INPP4B: variants seen among roughly 807,000 people sequenced by gnomAD.
INPP4B encodes the protein inositol polyphosphate-4-phosphatase type II B.
Under a neutral mutation model 122.5 loss-of-function variants are expected in INPP4B, and 55 were observed. The ratio of observed to expected loss-of-function variants is 0.45; its 90% CI spans 0.36 to 0.56. The LOEUF is 0.56. INPP4B is among the 20% of genes least tolerant of loss of function. The pLI is 0.00. For synonymous variants in INPP4B, 403 were observed against 388.7 expected (o/e 1.04, Z -0.43); for missense variants, 1,000 against 1,097.7 (o/e 0.91, Z 1.26).
intron 9 of INPP4B, among the ~76,000 whole-genome samples, chr4:142,286,616 T>TC (rs1240022922): frequency 6.6e-6 from 1 of 152,160 alleles, no homozygotes; most frequent in Non-Finnish European, 1.5e-5. Context: ...TTGACTTAAA[T>TC]CAGACTTCTT....
At position 142,480,912 on chromosome 4, in the gene INPP4B, T is replaced by C. The variant is rs140590554; in HGVS notation, c.-190-18186A>G. 3.8e-3 allele frequency among the ~76,000 whole-genome samples: 574 copies of C among 152,112 alleles called. 4 individuals carry two copies. Among genetic ancestry groups the C allele is most frequent in the African/African-American group, 0.013 (544 of 41,518 alleles). On this transcript the variant is annotated intron_variant, in intron 2 of 25. Coordinates refer to ENST00000262992, the MANE Select transcript of INPP4B (RefSeq NM_001101669.3). Reference sequence around the variant, plus strand: ...GGAATGTCTAAGGGTGTTATTTTTATAGTCACATAATAAAAGGTGAAAATC... The same window carrying C: ...GGAATGTCTAAGGGTGTTATTTTTACAGTCACATAATAAAAGGTGAAAATC...
At position 142,161,946 on chromosome 4, in the gene INPP4B, T is replaced by C. The variant is rs1292356962; in HGVS notation, c.1360-1385A>G. Among the ~76,000 whole-genome samples, 3 of 151,818 alleles carry C rather than the reference T, an allele frequency of 2.0e-5. 1 individual carries two copies. Among genetic ancestry groups the C allele is most frequent in the Admixed American group, 6.6e-5 (1 of 15,206 alleles). On this transcript the variant is annotated intron_variant, in intron 16 of 25. Coordinates refer to ENST00000262992, the MANE Select transcript of INPP4B (RefSeq NM_001101669.3). ...AACAAATTAGCAGCTTTCTCCCTTA[T>C]TCCACACTACTCACCACCCGCCATA...
chr4:142,596,097 G>A (rs370651645), intron 2 of INPP4B, among the ~76,000 whole-genome samples: 5 of 151,906 alleles, frequency 3.3e-5, no homozygotes, highest in Admixed American at 6.6e-5. Context: ...TGCCTGCCTC[G>A]GCTTCCCAAA....
intron 2 of INPP4B, among the ~76,000 whole-genome samples, chr4:142,625,824 T>C (rs28687823): frequency 0.047 from 7,086 of 152,046 alleles, 547 homozygotes; most frequent in African/African-American, 0.16. Flanking sequence ...TCAGAAATAA[T>C]GCCGCATACC....
rs1052370442 is a variant in INPP4B at position 142,233,857 on chromosome 4, T to C, written c.836+4007A>G. 1.9e-3 allele frequency among the ~76,000 whole-genome samples: 287 copies of C among 152,228 alleles called. 1 individual carries two copies. The highest frequency in any genetic ancestry group is 4.4e-4 in the Non-Finnish European group (30 of 68,004). On this transcript the variant is annotated intron_variant, in intron 12 of 25. Coordinates refer to ENST00000262992, the MANE Select transcript of INPP4B (RefSeq NM_001101669.3). ...CAAATGTAATTCTTAAACTATTTTC[T>C]CAGTTGGATAGGATATATCTTCAAG...
intron 1 of INPP4B, among the ~76,000 whole-genome samples, chr4:142,809,650 G>A (rs1444932961): frequency 6.6e-6 from 1 of 152,044 alleles, no homozygotes; most frequent in East Asian, 1.9e-4. Flanking sequence ...CAAATGCAAA[G>A]AAAAAATTGT....
intron 1 of INPP4B, among the ~76,000 whole-genome samples, chr4:142,741,584 G>C (rs187893274): frequency 6.6e-6 from 1 of 151,812 alleles, no homozygotes; most frequent in East Asian, 1.9e-4. Context: ...AAACCAATTA[G>C]AATTTTAAAA....
At chr4:142,740,385 C>T (rs971236761) in intron 1 of INPP4B, among the ~76,000 whole-genome samples, 17 of 151,974 alleles carry the variant, frequency 1.1e-4, no homozygotes, top group African/African-American at 3.4e-4. Context: ...AATTCTAAAA[C>T]GCTTTTCTGC....
intron 1 of INPP4B, among the ~76,000 whole-genome samples, chr4:142,751,432 A>T (rs1769700334): frequency 6.6e-6 from 1 of 152,064 alleles, no homozygotes; most frequent in Non-Finnish European, 1.5e-5. Context: ...AAACAGGCAA[A>T]CAAGATGTAT....
chr4:142,056,588 T>G (rs1336166565), intron 25 of INPP4B, among the ~76,000 whole-genome samples: 4 of 152,108 alleles, frequency 2.6e-5, no homozygotes, highest in African/African-American at 9.7e-5. Context: ...TCAAGGACTT[T>G]TGATTCCCAG....
chr4:142,037,914 G>A lies in INPP4B; in HGVS notation c.2643-9000C>T, dbSNP rs951725766. Among the ~76,000 whole-genome samples the A allele has an allele frequency of 7.9e-5, 12 of 152,214 alleles. No individual in the cohort carries two copies. The East Asian group carries it at 1.2e-3, about 15-fold the overall frequency. ...GCTTTAAAAAGTATTCAAGTTGAAC[G>A]TACACCTTTTCTAGATGAGGAAATA... is the stretch of plus-strand genomic sequence containing the variant. On this transcript the variant is annotated intron_variant, in intron 25 of 25. Coordinates refer to ENST00000262992, the MANE Select transcript of INPP4B (RefSeq NM_001101669.3).
At chr4:142,200,856 A>G (rs1450504793) in intron 14 of INPP4B, among the ~76,000 whole-genome samples, 1 of 152,090 alleles carries the variant, frequency 6.6e-6, no homozygotes, top group Non-Finnish European at 1.5e-5. Context: ...GAAGTGTAGC[A>G]TCTTATCTAA....
intron 21 of INPP4B, among the ~76,000 whole-genome samples, chr4:142,115,349 C>T (rs1792581757): frequency 6.6e-6 from 1 of 152,044 alleles, no homozygotes; most frequent in Non-Finnish European, 1.5e-5. Flanking sequence ...AACTCTAAGA[C>T]ACATAATTGT....
Position 142,387,499 on chromosome 4 carries a change from GA to G in INPP4B, c.372+15438del, listed in dbSNP as rs548330020. Among the ~76,000 whole-genome samples the G allele has an allele frequency of 2.6e-4, 38 of 143,980 alleles. No homozygotes were observed. The South Asian group carries it at 7.7e-3, about 29-fold the overall frequency. The allele number at this position is 143,980 out of a possible 152,430, so 94.5% of individuals were successfully genotyped here. A position where few individuals can be genotyped will look rare whatever the true frequency, so the allele number is the denominator to read the frequency against. On this transcript the variant is annotated intron_variant, in intron 7 of 25. Coordinates refer to ENST00000262992, the MANE Select transcript of INPP4B (RefSeq NM_001101669.3). Reference sequence around the variant, plus strand: ...GCATTTAAAAAAAAAAAAAAAGAAAGAAAAAAAGATTTTCTTTTGTGTTGCG... The same window carrying G: ...GCATTTAAAAAAAAAAAAAAAGAAAGAAAAAAGATTTTCTTTTGTGTTGCG...
At chr4:142,544,139 G>GTGTGTGTGTGTGTGTGTA in intron 2 of INPP4B, among the ~76,000 whole-genome samples, 1 of 151,318 alleles carries the variant, frequency 6.6e-6, no homozygotes, top group Admixed American at 6.6e-5. Context: ...TGGTGTGTGT[G>GTGTGTGTGTGTGTGTGTA]TGTGTGTGTG....
chr4:142,103,506 G>A (rs1228813320), intron 23 of INPP4B, among the ~76,000 whole-genome samples: 8 of 152,042 alleles, frequency 5.3e-5, no homozygotes, highest in African/African-American at 1.4e-4. Flanking sequence ...TACAACGAGT[G>A]TCAGAAGTGA....
intron 1 of INPP4B, among the ~76,000 whole-genome samples, chr4:142,843,206 C>A (rs1783775990): frequency 6.6e-6 from 1 of 151,188 alleles, no homozygotes; most frequent in Non-Finnish European, 1.5e-5. Context: ...ATGTATCTTG[C>A]ACAACAAAAT....
intron 2 of INPP4B, among the ~76,000 whole-genome samples, chr4:142,624,264 C>A (rs1745725419): frequency 6.6e-6 from 1 of 151,854 alleles, no homozygotes; most frequent in African/African-American, 2.4e-5. Flanking sequence ...GCCATTCTAA[C>A]TGGTGTGAGA....
At chr4:142,712,362 C>T (rs1306901699) in intron 2 of INPP4B, among the ~76,000 whole-genome samples, 1 of 152,132 alleles carries the variant, frequency 6.6e-6, no homozygotes, top group Non-Finnish European at 1.5e-5. Context: ...ACATCTGAAT[C>T]CTACCCTTAA....
Sources: gnomAD v4.1 joint callset for allele counts (sites outside exome capture counted in the v4.1 genomes callset) on GRCh38, gnomAD v4.1.1 for gene constraint, MANE v1.5 for transcripts, NCBI Gene and HGNC (gene_info 2026-07-23, HGNC 2026-07-21) for gene names.